THADA: variants seen among roughly 807,000 people sequenced by gnomAD.
The protein encoded by THADA is tRNA (32-2'-O)-methyltransferase regulator THADA.
In THADA, 213 loss-of-function variants were observed where a neutral mutation model predicts 219.8. The ratio of observed to expected loss-of-function variants is 0.97; its 90% CI spans 0.87 to 1.09. The LOEUF is 1.09. Ranked by LOEUF, THADA falls within the 50% of genes least tolerant of loss-of-function variation. THADA has a pLI of 0.00. For synonymous variants in THADA, 1,018 were observed against 828.9 expected (o/e 1.23, Z -3.92); for missense variants, 2,956 against 2,311.3 (o/e 1.28, Z -5.72).
At chr2:43,325,734 T>A (rs1033768596) in intron 30 of THADA, among the ~76,000 whole-genome samples, 1 of 152,176 alleles carries the variant, frequency 6.6e-6, no homozygotes, top group African/African-American at 2.4e-5. Flanking sequence ...CCCAAGGGAT[T>A]GTTTCACTAA....
intron 26 of THADA, among the ~76,000 whole-genome samples, chr2:43,453,564 T>C (rs1452868145): frequency 6.6e-6 from 1 of 152,220 alleles, no homozygotes; most frequent in Non-Finnish European, 1.5e-5. Flanking sequence ...GGTTTCTGTA[T>C]ACATGCAAAT....
intron 26 of THADA, among the ~76,000 whole-genome samples, chr2:43,446,987 G>A (rs1017937494): frequency 2.6e-5 from 4 of 152,074 alleles, no homozygotes; most frequent in South Asian, 4.2e-4. Context: ...GTATTAGTCC[G>A]TTTTCATGCT....
At chr2:43,545,616 C>G (rs550940251) in intron 20 of THADA, among the ~76,000 whole-genome samples, 5 of 152,110 alleles carry the variant, frequency 3.3e-5, no homozygotes, top group African/African-American at 1.2e-4. Flanking sequence ...GTGTATGTGT[C>G]GAGGAATTTA....
At position 43,540,449 on chromosome 2, in the gene THADA, T is replaced by C. The variant is rs191837165; in HGVS notation, c.3264+710A>G. 6.6e-4 allele frequency among the ~76,000 whole-genome samples: 100 copies of C among 152,348 alleles called. 1 individual carries two copies. The highest frequency in any genetic ancestry group is 5.8e-3 in the East Asian group (30 of 5,188). Reference sequence around the variant, plus strand: ...CTACAATATTTGTTTTGTTCTTGAATTGTAACACCCTAGGGAAAAAGTTGC... The same window carrying C: ...CTACAATATTTGTTTTGTTCTTGAACTGTAACACCCTAGGGAAAAAGTTGC... On this transcript the variant is annotated intron_variant, in intron 21 of 37. Transcript: ENST00000405975.
intron 26 of THADA, among the ~76,000 whole-genome samples, chr2:43,443,547 C>T (rs757905390): frequency 2.6e-5 from 4 of 152,068 alleles, no homozygotes; most frequent in Non-Finnish European, 5.9e-5. Flanking sequence ...GCATTTCAAA[C>T]GTTTATCTAT....
chr2:43,433,222 T>A (rs537254305), intron 26 of THADA, among the ~76,000 whole-genome samples: 21 of 151,316 alleles, frequency 1.4e-4, no homozygotes, highest in African/African-American at 4.6e-4. Context: ...AAAAAAAAAA[T>A]GATATGCCTT....
At chr2:43,431,349 C>T (rs923829131) in intron 26 of THADA, among the ~76,000 whole-genome samples, 2 of 152,192 alleles carry the variant, frequency 1.3e-5, no homozygotes, top group Non-Finnish European at 2.9e-5. Context: ...CCATAAAGAT[C>T]CCCCATGCCC....
intron 28 of THADA, among the ~76,000 whole-genome samples, chr2:43,404,509 C>T (rs559981688): frequency 5.3e-5 from 8 of 151,766 alleles, no homozygotes; most frequent in Admixed American, 1.3e-4. Context: ...AAGGTACTAC[C>T]TTTTTTGTGA....
In THADA at chr2:43,574,016, T is replaced by C. The variant is rs916914513; in HGVS notation, c.1729+320A>G. 2.0e-5 allele frequency among the ~76,000 whole-genome samples: 3 copies of C among 151,048 alleles called. No homozygotes were observed. The East Asian group carries it at 5.8e-4, about 29-fold the overall frequency. On this transcript the variant is annotated intron_variant, in intron 11 of 37. Transcript: ENST00000405975. Reference sequence around the variant, plus strand: ...CAATGACTTGAATAAGCACATTATATAAGACACACAAACTTTTATTTCAGT... The same window carrying C: ...CAATGACTTGAATAAGCACATTATACAAGACACACAAACTTTTATTTCAGT...
chr2:43,411,390 A>G (rs1349203994), intron 28 of THADA, among the ~76,000 whole-genome samples: 4 of 152,200 alleles, frequency 2.6e-5, no homozygotes, highest in African/African-American at 7.2e-5. Flanking sequence ...CAATTATTCA[A>G]CCAAGTGATG....
chr2:43,515,621 A>G (rs1258168193), intron 22 of THADA, among the ~76,000 whole-genome samples: 1 of 151,112 alleles, frequency 6.6e-6, no homozygotes, highest in Non-Finnish European at 1.5e-5. Flanking sequence ...GGAGATTTAA[A>G]GGAAAAAAAA....
intron 29 of THADA, among the ~76,000 whole-genome samples, chr2:43,352,980 A>G (rs1216756515): frequency 6.6e-6 from 1 of 152,148 alleles, no homozygotes; most frequent in Admixed American, 6.5e-5. Context: ...AAGATTCCAC[A>G]TATAATTAAG....
chr2:43,365,668 A>C (rs141860210), intron 29 of THADA, among the ~76,000 whole-genome samples: 9 of 152,194 alleles, frequency 5.9e-5, no homozygotes, highest in Non-Finnish European at 1.3e-4. Context: ...GCTGGCTTGC[A>C]CAAGGATAGC....
At chr2:43,345,114 T>C (rs553336354) in intron 29 of THADA, among the ~76,000 whole-genome samples, 15 of 152,364 alleles carry the variant, frequency 9.8e-5, no homozygotes, top group African/African-American at 3.4e-4. Context: ...TGAAAGTCTA[T>C]TTTAATAACA....
At chr2:43,505,535 C>G in intron 24 of THADA, 87 bp downstream of exon 24, 1 of 1,005,656 alleles carries the variant, frequency 9.9e-7, no homozygotes, top group East Asian at 2.7e-5. Context: ...GCCTGGGTAA[C>G]AAGACGGTAA....
At chr2:43,493,805 T>C (rs141425706) in intron 25 of THADA, among the ~76,000 whole-genome samples, 2 of 152,196 alleles carry the variant, frequency 1.3e-5, no homozygotes, top group African/African-American at 2.4e-5. Flanking sequence ...TTAAAGACTA[T>C]CACTTTTCCC....
At chr2:43,539,796 A>G (rs1163730961) in intron 21 of THADA, among the ~76,000 whole-genome samples, 1 of 152,134 alleles carries the variant, frequency 6.6e-6, no homozygotes, top group African/African-American at 2.4e-5. Context: ...TCTTTTTGTG[A>G]TAATTGTTTT....
intron 29 of THADA, among the ~76,000 whole-genome samples, chr2:43,389,885 C>T (rs79548334): frequency 0.014 from 2,145 of 152,242 alleles, 55 homozygotes; most frequent in African/African-American, 0.047. Context: ...CATGTAGCCA[C>T]GTATTTCTGT....
chr2:43,527,735 A>C, intron 22 of THADA, 144 bp downstream of exon 22: 2 of 538,664 alleles, frequency 3.7e-6, no homozygotes, highest in Non-Finnish European at 6.4e-6. Flanking sequence ...AATGAAACCT[A>C]AGAAAACAAT....
Sources: allele counts gnomAD v4.1 joint callset (sites outside exome capture counted in the v4.1 genomes callset), GRCh38; gene constraint gnomAD v4.1.1; transcripts MANE v1.5; gene names NCBI Gene and HGNC (gene_info 2026-07-23, HGNC 2026-07-21).